VTA1: variants seen among roughly 807,000 people sequenced by gnomAD.
VTA1 encodes the protein vesicle trafficking 1, also known as vacuolar protein sorting-associated protein VTA1 homolog.
A neutral mutation model predicts 36.9 loss-of-function variants in VTA1; 24 were observed. That is an observed-to-expected ratio of 0.65 (90% CI 0.47 to 0.91). VTA1 has a LOEUF of 0.91. Among genes scored for constraint, VTA1 ranks in the 40% least tolerant of loss-of-function variants. The probability of loss-of-function intolerance (pLI) is 0.00; values close to 1 mark genes in which losing one functional copy is unlikely to be tolerated. For synonymous variants in VTA1, 142 were observed against 130.2 expected, an observed-to-expected ratio of 1.09 and a Z score of -0.62; for missense variants, 393 against 377.2, an observed-to-expected ratio of 1.04 and a Z score of -0.35.
At chr6:142,156,250 G>T (rs1778660069) in intron 1 of VTA1, among the ~76,000 whole-genome samples, 2 of 152,146 alleles carry the variant, frequency 1.3e-5, no homozygotes, top group Non-Finnish European at 2.9e-5. Context: ...ATGAAAAATT[G>T]TTGGTAGTAG....
intron 4 of VTA1, among the ~76,000 whole-genome samples, chr6:142,178,633 CAT>C (rs1218612321): frequency 6.6e-6 from 1 of 151,844 alleles, no homozygotes; most frequent in African/African-American, 2.4e-5. Flanking sequence ...TTTAACTGTA[CAT>C]ATATATATTT....
At chr6:142,177,254 A>G (rs2114652564) in intron 4 of VTA1, among the ~76,000 whole-genome samples, 2 of 152,326 alleles carry the variant, frequency 1.3e-5, no homozygotes, top group Middle Eastern at 3.4e-3. Flanking sequence ...TTGTAAATGA[A>G]TGAAATATTT....
intron 1 of VTA1, among the ~76,000 whole-genome samples, chr6:142,155,743 C>G (rs1234974802): frequency 6.6e-6 from 1 of 152,196 alleles, no homozygotes; most frequent in African/African-American, 2.4e-5. Context: ...CCCCACCACA[C>G]TCACTAGATT....
At chr6:142,168,937 CT>C (rs907193169) in intron 2 of VTA1, among the ~76,000 whole-genome samples, 77 of 151,490 alleles carry the variant, frequency 5.1e-4, no homozygotes, top group African/African-American at 1.8e-3. Flanking sequence ...CAGCTAATTT[CT>C]TTTTGTATTT....
In VTA1 at chr6:142,168,261, G is replaced by T. The variant is rs556749286; in HGVS notation, c.208-1289G>T. On this transcript the variant is annotated intron_variant, in intron 2 of 7. Transcript: ENST00000367630. ...GGATACACAAATTACTGTTATCTGT[G>T]GGGATTTTTTTTTTCTTTTTTCTGT... 8.5e-5 allele frequency among the ~76,000 whole-genome samples: 13 copies of T among 152,070 alleles called. 1 individual carries two copies. The South Asian group carries it at 2.7e-3, about 32-fold the overall frequency.
At chr6:142,190,407 A>C (rs1394287252) in intron 5 of VTA1, among the ~76,000 whole-genome samples, 4 of 152,188 alleles carry the variant, frequency 2.6e-5, no homozygotes, top group African/African-American at 7.2e-5. Context: ...TACAACTGGT[A>C]ATATACATAC....
At chr6:142,160,713 T>C (rs1324983839) in intron 1 of VTA1, among the ~76,000 whole-genome samples, 2 of 152,156 alleles carry the variant, frequency 1.3e-5, no homozygotes, top group Admixed American at 6.6e-5. Context: ...GTCTGAAAAC[T>C]TGTTACATAT....
At chr6:142,164,594 G>A (rs1458794516) in intron 1 of VTA1, among the ~76,000 whole-genome samples, 1 of 152,098 alleles carries the variant, frequency 6.6e-6, no homozygotes, top group Non-Finnish European at 1.5e-5. Flanking sequence ...AATTTTTAAA[G>A]AGAATTTTTG....
chr6:142,208,738 T>C (rs554452523), intron 7 of VTA1, among the ~76,000 whole-genome samples: 1 of 152,258 alleles, frequency 6.6e-6, no homozygotes, highest in South Asian at 2.1e-4. Context: ...GCAACAGCCT[T>C]CTCAACAGGC....
intron 4 of VTA1, among the ~76,000 whole-genome samples, chr6:142,180,046 G>A (rs896124626): frequency 1.5e-4 from 23 of 152,088 alleles, no homozygotes; most frequent in African/African-American, 5.6e-4. Flanking sequence ...ATTTATATAG[G>A]TATAATATGT....
At chr6:142,175,868 T>G (rs1562260815) in intron 4 of VTA1, among the ~76,000 whole-genome samples, 1 of 152,140 alleles carries the variant, frequency 6.6e-6, no homozygotes, top group Non-Finnish European at 1.5e-5. Context: ...TTTTTATTTT[T>G]TAATATTTTG....
intron 1 of VTA1, among the ~76,000 whole-genome samples, chr6:142,151,081 T>C (rs1483757570): frequency 2.6e-5 from 4 of 152,082 alleles, no homozygotes; most frequent in Non-Finnish European, 5.9e-5. Flanking sequence ...AGTTGGTCAG[T>C]GGATCTCCGA....
intron 6 of VTA1, among the ~76,000 whole-genome samples, chr6:142,201,205 A>T (rs1256735014): frequency 2.0e-5 from 3 of 151,902 alleles, no homozygotes; most frequent in Non-Finnish European, 4.4e-5. Flanking sequence ...TTGAAACAGT[A>T]AAAAAAGTTC....
Position 142,218,701 on chromosome 6 carries a change from C to A in VTA1, c.*58C>A. On this transcript the variant is annotated 3_prime_UTR_variant, in exon 8 of 8. Coordinates refer to ENST00000367630, the MANE Select transcript of VTA1 (RefSeq NM_016485.5). Reference sequence around the variant, plus strand: ...CATGAGGAACTAACAGTCCATTACTCTATCTTCAGCCTATCAGGATCACAG... The same window carrying A: ...CATGAGGAACTAACAGTCCATTACTATATCTTCAGCCTATCAGGATCACAG... 6.6e-7 allele frequency: 1 copy of A among 1,512,648 alleles called. No homozygotes were observed. 93.7% of individuals were successfully genotyped at this position (1,512,648 alleles called of 1,614,324 possible).
At position 142,196,116 on chromosome 6, in the gene VTA1, TA is replaced by T. The variant is rs151248872; in HGVS notation, c.521-2322del. Among the ~76,000 whole-genome samples the T allele has an allele frequency of 9.2e-4, 140 of 152,346 alleles. 1 individual carries two copies. The East Asian group carries it at 0.024, about 26-fold the overall frequency. On this transcript the variant is annotated intron_variant, in intron 5 of 7. Transcript: ENST00000367630. ...TATTAGGCACATGTACCTTTATAGT[TA>T]TTTTTTATGAACTAACCTTTTTATT...
intron 3 of VTA1, among the ~76,000 whole-genome samples, chr6:142,169,894 C>A (rs1774996393): frequency 6.6e-6 from 1 of 151,986 alleles, no homozygotes; most frequent in South Asian, 2.1e-4. Context: ...GATTTATTTA[C>A]TTAGTAAATA....
chr6:142,201,462 G>A (rs1249758783), intron 6 of VTA1, among the ~76,000 whole-genome samples: 7 of 151,940 alleles, frequency 4.6e-5, no homozygotes, highest in East Asian at 1.9e-4. Flanking sequence ...TTAAACAGGC[G>A]AAGTGTTTGC....
intron 5 of VTA1, among the ~76,000 whole-genome samples, chr6:142,196,427 C>T (rs1289679144): frequency 6.6e-6 from 1 of 152,140 alleles, no homozygotes; most frequent in Non-Finnish European, 1.5e-5. Context: ...ACATTTCCTG[C>T]AAAAAGCATA....
chr6:142,211,971 A>G (rs1054941196), intron 7 of VTA1, among the ~76,000 whole-genome samples: 1 of 152,196 alleles, frequency 6.6e-6, no homozygotes, highest in Non-Finnish European at 1.5e-5. Context: ...ATGAGATACC[A>G]CTACACACCT....
Sources: allele counts gnomAD v4.1 joint callset (sites outside exome capture counted in the v4.1 genomes callset), GRCh38; gene constraint gnomAD v4.1.1; transcripts MANE v1.5; gene names NCBI Gene and HGNC (gene_info 2026-07-23, HGNC 2026-07-21).